The following MAML2 variants were observed in gnomAD, a reference collection of about 807,000 sequenced individuals.
MAML2 encodes mastermind-like protein 2.
MAML2 carries 22 observed loss-of-function variants against 96.1 expected under a neutral mutation model. The observed-to-expected ratio is 0.23, with a 90% CI of 0.16 to 0.33. The LOEUF (loss-of-function observed/expected upper bound fraction) is 0.33. Among genes scored for constraint, MAML2 ranks in the 10% least tolerant of loss-of-function variants. The pLI is 1.00. For missense variants in MAML2, 1,367 were observed against 1,392.4 expected, an observed-to-expected ratio of 0.98 and a Z score of 0.29; for synonymous variants, 561 against 521.3, an observed-to-expected ratio of 1.08 and a Z score of -1.04.
intron 1 of MAML2, among the ~76,000 whole-genome samples, chr11:96,273,026 G>A (rs1402620006): frequency 6.6e-6 from 1 of 152,138 alleles, no homozygotes; most frequent in Non-Finnish European, 1.5e-5. Flanking sequence ...CCTACTATAT[G>A]TGTTTCAGGC....
At chr11:96,122,408 G>A (rs1320859425) in intron 1 of MAML2, among the ~76,000 whole-genome samples, 1 of 151,990 alleles carries the variant, frequency 6.6e-6, no homozygotes, top group East Asian at 1.9e-4. Flanking sequence ...TATGGGTTCT[G>A]TGGAGCAGTC....
At chr11:95,987,470 A>C (rs2135705898) in intron 3 of MAML2, among the ~76,000 whole-genome samples, 1 of 152,288 alleles carries the variant, frequency 6.6e-6, no homozygotes, top group East Asian at 1.9e-4. Flanking sequence ...AGCAATCTCA[A>C]TTTTCAAAAT....
At chr11:96,194,221 G>A (rs1306301448) in intron 1 of MAML2, among the ~76,000 whole-genome samples, 1 of 152,220 alleles carries the variant, frequency 6.6e-6, no homozygotes, top group East Asian at 1.9e-4. Flanking sequence ...GCTGGGGTGG[G>A]CAGTCTGGGG....
At chr11:96,074,268 G>A (rs1266274553) in intron 2 of MAML2, among the ~76,000 whole-genome samples, 4 of 152,202 alleles carry the variant, frequency 2.6e-5, no homozygotes, top group East Asian at 1.9e-4. Context: ...CACTGATGCC[G>A]TGTGGCTTTC....
chr11:96,015,583 A>AGG (rs1565190082), intron 2 of MAML2, among the ~76,000 whole-genome samples: 1 of 89,704 alleles, frequency 1.1e-5, no homozygotes, highest in Non-Finnish European at 2.3e-5. Flanking sequence ...AAAAAAAAAA[A>AGG]AGGGGGGGGG....
chr11:96,264,220 A>C (rs1366167074), intron 1 of MAML2, among the ~76,000 whole-genome samples: 2 of 152,198 alleles, frequency 1.3e-5, no homozygotes, highest in Non-Finnish European at 2.9e-5. Flanking sequence ...GCCCCCTCAC[A>C]AACTAAGATG....
intron 2 of MAML2, 51 bp downstream of exon 2, chr11:96,091,841 C>G: frequency 6.4e-7 from 1 of 1,567,788 alleles, no homozygotes; most frequent in Non-Finnish European, 8.6e-7. Context: ...GCATAAAGAT[C>G]AAGCTAAATG....
At chr11:96,313,333 T>A (rs891217310) in intron 1 of MAML2, among the ~76,000 whole-genome samples, 3 of 152,180 alleles carry the variant, frequency 2.0e-5, no homozygotes, top group Non-Finnish European at 4.4e-5. Context: ...ATCTCAGAAC[T>A]GGGGTGGACG....
At chr11:95,998,387 A>G (rs565693199) in intron 2 of MAML2, among the ~76,000 whole-genome samples, 1 of 152,290 alleles carries the variant, frequency 6.6e-6, no homozygotes, top group Admixed American at 6.5e-5. Flanking sequence ...CTGAGCAAAG[A>G]AAATGCTTTG....
At position 96,057,175 on chromosome 11, in the gene MAML2, G is replaced by A. The variant is rs114005010; in HGVS notation, c.2139+34717C>T. ...TAGAATCAGTTATACATCCATGAGT[G>A]CCATGGATGCCAGGATCTCACTACT... On this transcript the variant is annotated intron_variant, in intron 2 of 4. Coordinates refer to ENST00000524717, the MANE Select transcript of MAML2 (RefSeq NM_032427.4). 3.1e-3 allele frequency among the ~76,000 whole-genome samples: 471 copies of A among 152,238 alleles called. 3 individuals carry two copies. Among genetic ancestry groups the A allele is most frequent in the African/African-American group, 0.011 (451 of 41,540 alleles).
chr11:96,108,889 C>G (rs1860072373), intron 1 of MAML2, among the ~76,000 whole-genome samples: 1 of 151,926 alleles, frequency 6.6e-6, no homozygotes. Context: ...AAAAAATTAG[C>G]TATGCATGGT....
chr11:96,046,430 G>C (rs1858902630), intron 2 of MAML2, among the ~76,000 whole-genome samples: 1 of 151,960 alleles, frequency 6.6e-6, no homozygotes, highest in Non-Finnish European at 1.5e-5. Context: ...TCAAAACTAT[G>C]AATGGTAGAC....
chr11:95,990,395 G>A (rs1857891154), intron 3 of MAML2, among the ~76,000 whole-genome samples: 1 of 152,042 alleles, frequency 6.6e-6, no homozygotes, highest in African/African-American at 2.4e-5. Flanking sequence ...GGCATAATAT[G>A]TAGTATCCTT....
In MAML2 at chr11:95,985,541, A is replaced by G. The variant is rs763533944; in HGVS notation, c.2445T>C (p.Ala815=). 6.3e-7 allele frequency: 1 copy of G among 1,598,012 alleles called. No homozygotes were observed. The highest frequency in any genetic ancestry group is 8.6e-7 in the Non-Finnish European group (1 of 1,167,040). ...TTTAAGAACACTTACCAGAATACTG[A>G]GCAGTTGGTTGCATATTGCCCACAT... ...RRNVGNMQPT[A]QYSGGSSTIS... is the part of the protein sequence containing the mutation. Residue 815 remains alanine, a synonymous_variant, in exon 4 of 5, where the codon GCT becomes GCC. Transcript: ENST00000524717.
At chr11:96,039,445 G>T (rs931789277) in intron 2 of MAML2, among the ~76,000 whole-genome samples, 4 of 151,962 alleles carry the variant, frequency 2.6e-5, no homozygotes, top group African/African-American at 7.3e-5. Context: ...GAACAGAAAA[G>T]AATTCCATAA....
intron 1 of MAML2, among the ~76,000 whole-genome samples, chr11:96,311,402 G>A (rs996365441): frequency 1.3e-5 from 2 of 152,194 alleles, no homozygotes; most frequent in Non-Finnish European, 2.9e-5. Context: ...AAATCAAATT[G>A]TGATTCTGGA....
chr11:96,257,701 GA>G (rs35888044), intron 1 of MAML2, among the ~76,000 whole-genome samples: 1 of 151,064 alleles, frequency 6.6e-6, no homozygotes, highest in Non-Finnish European at 1.5e-5. Context: ...AACTTGGAAT[GA>G]AAAAAAAACC....
intron 1 of MAML2, among the ~76,000 whole-genome samples, chr11:96,241,327 TC>T (rs1308552308): frequency 6.6e-6 from 1 of 152,224 alleles, no homozygotes; most frequent in African/African-American, 2.4e-5. Flanking sequence ...GTGCACAGCT[TC>T]TCTTTCCAAC....
Position 96,341,631 on chromosome 11 carries a change from C to T in MAML2, c.265G>A (p.Ala89Thr). 1.3e-6 allele frequency: 2 copies of T among 1,554,448 alleles called. No individual in the cohort carries two copies. Among genetic ancestry groups the T allele is most frequent in the South Asian group, 1.2e-5 (1 of 84,394 alleles). ...GCGGTGGCCTTGGTGTGTTTGCCAGCTTTCCTTGCCCCCTGGCCATGCTGT... is the reference window on the plus strand; with the variant it reads ...GCGGTGGCCTTGGTGTGTTTGCCAGTTTTCCTTGCCCCCTGGCCATGCTGT... The part of the protein sequence containing the change: ...LVQHGQGARK[A>T]GKHTKATATA... The change falls in exon 1 of 5, where the codon GCT (alanine) becomes ACT (threonine). Residue 89 changes from alanine (A) to threonine (T), a missense_variant. Ala to Thr is a moderately conservative substitution (Grantham distance 58, BLOSUM62 0). Transcript: ENST00000524717.
Sources: allele counts gnomAD v4.1 joint callset (sites outside exome capture counted in the v4.1 genomes callset), GRCh38; gene constraint gnomAD v4.1.1; transcripts MANE v1.5; gene names NCBI Gene and HGNC (gene_info 2026-07-23, HGNC 2026-07-21).